The following TTF1 variants were observed in gnomAD, a reference collection of about 807,000 sequenced individuals.
The protein encoded by TTF1 is transcription termination factor, RNA polymerase I.
TTF1 carries 64 observed loss-of-function variants against 80.2 expected under a neutral mutation model. That is an observed-to-expected ratio of 0.80 (90% CI 0.65 to 0.98). The LOEUF is 0.98. Ranked by LOEUF, TTF1 falls within the 50% of genes least tolerant of loss-of-function variation. The pLI is 0.00. For synonymous variants in TTF1, 372 were observed against 382.7 expected (o/e 0.97, Z 0.33); for missense variants, 1,023 against 1,086.2 (o/e 0.94, Z 0.82).
chr9:132,387,298 C>G (rs140719490), intron 8 of TTF1, among the ~76,000 whole-genome samples: 199 of 152,232 alleles, frequency 1.3e-3, no homozygotes, highest in African/African-American at 4.2e-3. Flanking sequence ...CCCTCCCCCC[C>G]CAATCTACAG....
In TTF1 at chr9:132,375,972, G is replaced by A. The variant is rs1050326293; in HGVS notation, c.2661C>T (p.Cys887=). 1 of 1,612,474 alleles carries A rather than the reference G, an allele frequency of 6.2e-7. No homozygotes were observed. The highest frequency in any genetic ancestry group is 1.7e-5 in the Admixed American group (1 of 59,872). The change falls in exon 11 of 11, where the codon TGC becomes TGT. Residue 887 remains cysteine, a synonymous_variant. Coordinates refer to ENST00000334270, the MANE Select transcript of TTF1 (RefSeq NM_007344.4). ...IEKESEGQAP[C]MAHACNSSTL... ...TACTGGAATTACAGGCGTGAGCCATGCATGGCGCCTGGCCTTCGCTTTCTT... is the reference window on the plus strand; with the variant it reads ...TACTGGAATTACAGGCGTGAGCCATACATGGCGCCTGGCCTTCGCTTTCTT...
At chr9:132,387,373 G>A (rs1044105885) in intron 8 of TTF1, among the ~76,000 whole-genome samples, 14 of 152,296 alleles carry the variant, frequency 9.2e-5, no homozygotes, top group Non-Finnish European at 1.6e-4. Context: ...AGGTGGGGCC[G>A]ACACTGGAAC....
rs1034503289 is a variant in TTF1, at chr9:132,399,301, TTG to T, written c.1591+732_1591+733del. Among the ~76,000 whole-genome samples, 4 of 152,116 alleles carry T rather than the reference TTG, an allele frequency of 2.6e-5. No individual in the cohort carries two copies. The South Asian group carries it at 8.3e-4, about 32-fold the overall frequency. ...AATGGGATTCTATACCACTCTATAATTGTGTGTACGTGGGTAGTGCTGTCTTT... is the reference window on the plus strand; with the variant it reads ...AATGGGATTCTATACCACTCTATAATTGTGTACGTGGGTAGTGCTGTCTTT... On this transcript the variant is annotated intron_variant, in intron 3 of 10. Coordinates refer to ENST00000334270, the MANE Select transcript of TTF1 (RefSeq NM_007344.4).
chr9:132,387,742 C>T (rs1472117414), intron 8 of TTF1, among the ~76,000 whole-genome samples: 1 of 152,226 alleles, frequency 6.6e-6, no homozygotes, highest in Non-Finnish European at 1.5e-5. Context: ...AAACCAAAGA[C>T]AAGCAAGGGT....
At chr9:132,396,221 G>A (rs946980762) in intron 5 of TTF1, among the ~76,000 whole-genome samples, 1 of 152,204 alleles carries the variant, frequency 6.6e-6, no homozygotes, top group Non-Finnish European at 1.5e-5. Context: ...AGCTGCAGAT[G>A]CAGGAAACAG....
intron 10 of TTF1, among the ~76,000 whole-genome samples, chr9:132,376,506 A>G (rs1849179386): frequency 6.6e-6 from 1 of 152,118 alleles, no homozygotes; most frequent in Non-Finnish European, 1.5e-5. Context: ...GTACGATATC[A>G]CCCAAATGGC....
At chr9:132,387,475 C>G (rs1296954679) in intron 8 of TTF1, among the ~76,000 whole-genome samples, 1 of 152,046 alleles carries the variant, frequency 6.6e-6, no homozygotes, top group Non-Finnish European at 1.5e-5. Flanking sequence ...ATAACCACCC[C>G]CCGATCCACC....
chr9:132,401,717 T>C lies in TTF1; in HGVS notation c.1105A>G (p.Thr369Ala). The C allele has an allele frequency of 1.2e-6, 2 of 1,614,110 alleles. No homozygotes were observed. The highest frequency in any genetic ancestry group is 1.7e-6 in the Non-Finnish European group (2 of 1,179,936). ...TTAAGAGCTGTACTGCCTTCCACAGTCCCAACCTCACTGCCCACCTGTGAT... is the reference window on the plus strand; with the variant it reads ...TTAAGAGCTGTACTGCCTTCCACAGCCCCAACCTCACTGCCCACCTGTGAT... ...EGSQVGSEVG[T>A]VEGSTALKGF... The change falls in exon 2 of 11, where the codon ACT becomes GCT. Residue 369 changes from threonine (T) to alanine (A), a missense_variant. By Grantham distance (58) the Thr-to-Ala change is moderately conservative. Coordinates refer to ENST00000334270, the MANE Select transcript of TTF1 (RefSeq NM_007344.4).
At chr9:132,397,945 CA>C (rs1439271992) in intron 4 of TTF1, among the ~76,000 whole-genome samples, 195 bp downstream of exon 4, 1 of 151,620 alleles carries the variant, frequency 6.6e-6, no homozygotes, top group Non-Finnish European at 1.5e-5. Flanking sequence ...AAGATTGCAC[CA>C]CTGCACTCCA....
chr9:132,389,862 G>A (rs910704130), intron 7 of TTF1, among the ~76,000 whole-genome samples: 9 of 152,200 alleles, frequency 5.9e-5, no homozygotes, highest in Non-Finnish European at 1.3e-4. Context: ...TGCCTACCTC[G>A]CTTCATCTGA....
At chr9:132,389,431 T>C (rs1009636520) in intron 7 of TTF1, among the ~76,000 whole-genome samples, 1 of 152,050 alleles carries the variant, frequency 6.6e-6, no homozygotes, top group Non-Finnish European at 1.5e-5. Context: ...TCCACCTGCC[T>C]CAGCCTCCCA....
In TTF1 at chr9:132,376,186, A is replaced by AAATT. The variant is rs1849173534; in HGVS notation, c.2465-19_2465-18insAATT. 6.2e-7 allele frequency: 1 copy of AAATT among 1,603,824 alleles called. No individual in the cohort carries two copies. The highest frequency in any genetic ancestry group is 8.5e-7 in the Non-Finnish European group (1 of 1,177,920). On this transcript the variant is annotated intron_variant, in intron 10 of 10. Coordinates refer to ENST00000334270, the MANE Select transcript of TTF1 (RefSeq NM_007344.4). Reference sequence around the variant, plus strand: ...GATGATCTCTACAGAAAAGAAATTTAATTGTGCAGTTATCTGTCTGTACAA... The same window carrying AAATT: ...GATGATCTCTACAGAAAAGAAATTTAAATTATTGTGCAGTTATCTGTCTGTACAA...
At position 132,384,649 on chromosome 9, in the gene TTF1, G is replaced by A. The variant is rs1386120218; in HGVS notation, c.2378+1907C>T. On this transcript the variant is annotated intron_variant, in intron 9 of 10. Coordinates refer to ENST00000334270, the MANE Select transcript of TTF1 (RefSeq NM_007344.4). The surrounding 1 kb of genome is among the most constrained non-coding windows in gnomAD (Gnocchi z 4.1). ...CACTTTTCACTGTGTTTCCTTTCAGGTTTCTTTCTTTCTTTCTTTTCTTTT... is the reference window on the plus strand; with the variant it reads ...CACTTTTCACTGTGTTTCCTTTCAGATTTCTTTCTTTCTTTCTTTTCTTTT... Among the ~76,000 whole-genome samples the A allele has an allele frequency of 6.6e-6, 1 of 151,968 alleles. No individual in the cohort carries two copies. Among genetic ancestry groups the A allele is most frequent in the Non-Finnish European group, 1.5e-5 (1 of 67,972 alleles).
In TTF1 at chr9:132,378,681, GGTGT is replaced by G. The variant is rs1424875285; in HGVS notation, c.2464+374_2464+377del. ...CATACGTGTGTGAGTGCATGCATGTGGTGTGTGTGAGTGCATGTGGTGTGAGTGC... is the reference window on the plus strand; with the variant it reads ...CATACGTGTGTGAGTGCATGCATGTGGTGTGAGTGCATGTGGTGTGAGTGC... On this transcript the variant is annotated intron_variant, in intron 10 of 10. Coordinates refer to ENST00000334270, the MANE Select transcript of TTF1 (RefSeq NM_007344.4). Among the ~76,000 whole-genome samples, 406 of 145,790 alleles carry G rather than the reference GGTGT, an allele frequency of 2.8e-3. 3 individuals carry two copies. The highest frequency in any genetic ancestry group is 0.01 in the African/African-American group (387 of 38,498).
In TTF1 at chr9:132,398,169, T is replaced by C; in HGVS notation, c.1749A>G (p.Lys583=). ...TGTGTAATCTAAACGAGTATCTCCTTTTTAAGTTGGTGATCACAGATTTTT... is the reference window on the plus strand; with the variant it reads ...TGTGTAATCTAAACGAGTATCTCCTCTTTAAGTTGGTGATCACAGATTTTT... ...PEEKSVITNL[K]RRYSFRLHIG... Residue 583 remains lysine (K), a synonymous_variant, in exon 4 of 11, where the codon AAA becomes AAG. Transcript: ENST00000334270. 1 of 1,589,556 alleles carries C rather than the reference T, an allele frequency of 6.3e-7. No individual in the cohort carries two copies. Among genetic ancestry groups the C allele is most frequent in the Non-Finnish European group, 8.5e-7 (1 of 1,172,930 alleles).
intron 3 of TTF1, among the ~76,000 whole-genome samples, chr9:132,398,929 G>A (rs1005649196): frequency 1.3e-4 from 20 of 152,060 alleles, no homozygotes; most frequent in Non-Finnish European, 2.6e-4. Context: ...AAGGCACAGT[G>A]GCTTATGCAT....
chr9:132,399,790 T>C (rs1222658409), intron 3 of TTF1, among the ~76,000 whole-genome samples: 1 of 152,216 alleles, frequency 6.6e-6, no homozygotes, highest in Non-Finnish European at 1.5e-5. Flanking sequence ...TGGGAATTAA[T>C]TATCTGGTCT....
In TTF1 at chr9:132,390,582, G is replaced by A. The variant is rs1003805957; in HGVS notation, c.2222+15C>T. On this transcript the variant is annotated intron_variant, in intron 7 of 10. Transcript: ENST00000334270. ...GAAGCTGGAGAGACAGAGAAAGAGA[G>A]AGGGAAGAACTTACCACTTACTTTT... The A allele has an allele frequency of 6.2e-7, 1 of 1,609,540 alleles. No homozygotes were observed. The highest frequency in any genetic ancestry group is 1.3e-5 in the African/African-American group (1 of 74,814).
At chr9:132,392,262 G>C in intron 5 of TTF1, 56 bp from the exon 6 acceptor site, 1 of 1,603,730 alleles carries the variant, frequency 6.2e-7, no homozygotes, top group Non-Finnish European at 8.5e-7. Flanking sequence ...ATTAAAAATG[G>C]TATTCTCATC....
Sources: allele counts gnomAD v4.1 joint callset (sites outside exome capture counted in the v4.1 genomes callset), GRCh38; gene constraint gnomAD v4.1.1; non-coding constraint Gnocchi (gnomAD v3.1); transcripts MANE v1.5; gene names NCBI Gene and HGNC (gene_info 2026-07-23, HGNC 2026-07-21).